Variants in MAP4K3 observed in about 807,000 individuals in gnomAD.
MAP4K3 encodes mitogen-activated protein kinase kinase kinase kinase 3.
MAP4K3 carries 94 observed loss-of-function variants against 143.5 expected under a neutral mutation model. The ratio of observed to expected loss-of-function variants is 0.65; its 90% CI spans 0.55 to 0.78. The LOEUF (loss-of-function observed/expected upper bound fraction) is 0.78. Ranked by LOEUF, MAP4K3 falls within the 30% of genes least tolerant of loss-of-function variation. The pLI is 0.00. For synonymous variants in MAP4K3, 416 were observed against 347.2 expected (o/e 1.20, Z -2.20); for missense variants, 1,077 against 1,068.1 (o/e 1.01, Z -0.12).
At chr2:39,269,066 T>A (rs1157164995) in intron 26 of MAP4K3, among the ~76,000 whole-genome samples, 2 of 152,012 alleles carry the variant, frequency 1.3e-5, no homozygotes, top group Non-Finnish European at 2.9e-5. Context: ...AACTTAAATG[T>A]GTAAATTTGC....
At chr2:39,373,840 T>C (rs1269175562) in intron 2 of MAP4K3, among the ~76,000 whole-genome samples, 4 of 152,088 alleles carry the variant, frequency 2.6e-5, no homozygotes, top group Admixed American at 6.6e-5. Context: ...AGATGGTTAA[T>C]TGGTACAAAA....
intron 3 of MAP4K3, among the ~76,000 whole-genome samples, chr2:39,354,789 G>C (rs1665559764): frequency 6.6e-6 from 1 of 152,162 alleles, no homozygotes; most frequent in African/African-American, 2.4e-5. Context: ...TCAAAAGCTA[G>C]AAAGATGACA....
At chr2:39,355,103 G>A (rs1157748477) in intron 3 of MAP4K3, among the ~76,000 whole-genome samples, 2 of 152,104 alleles carry the variant, frequency 1.3e-5, no homozygotes, top group African/African-American at 4.8e-5. Context: ...GGAGGCTCAC[G>A]CCTGTAATCC....
chr2:39,332,745 C>T (rs1480147107), intron 7 of MAP4K3, among the ~76,000 whole-genome samples: 4 of 151,954 alleles, frequency 2.6e-5, no homozygotes, highest in African/African-American at 9.7e-5. Flanking sequence ...CTGCTTTTCC[C>T]ATATTTAGAA....
At chr2:39,376,845 C>A (rs918750293) in intron 2 of MAP4K3, among the ~76,000 whole-genome samples, 16 of 152,162 alleles carry the variant, frequency 1.1e-4, no homozygotes, top group African/African-American at 3.4e-4. Flanking sequence ...CTTTAAATGC[C>A]AAATTTCTTT....
At chr2:39,343,331 T>C (rs1427921948) in intron 4 of MAP4K3, 57 bp downstream of exon 4, 3 of 1,119,028 alleles carry the variant, frequency 2.7e-6, no homozygotes, top group African/African-American at 3.1e-5. Flanking sequence ...ATATAGTAAA[T>C]AGCTGTATTT....
intron 17 of MAP4K3, 120 bp downstream of exon 17, chr2:39,293,110 C>G: frequency 1.3e-6 from 1 of 779,048 alleles, no homozygotes; most frequent in Non-Finnish European, 2.1e-6. Flanking sequence ...GAGCGAGACC[C>G]TATCTCTATT....
At chr2:39,349,277 A>T (rs1665382650) in intron 3 of MAP4K3, among the ~76,000 whole-genome samples, 1 of 152,230 alleles carries the variant, frequency 6.6e-6, no homozygotes. Flanking sequence ...TGGTTGATTT[A>T]AAAATTACTA....
At chr2:39,346,415 C>G (rs1488923428) in intron 3 of MAP4K3, among the ~76,000 whole-genome samples, 1 of 152,090 alleles carries the variant, frequency 6.6e-6, no homozygotes, top group Admixed American at 6.5e-5. Context: ...TTTGTTAAAT[C>G]TTATACTTAA....
chr2:39,262,966 G>A lies in MAP4K3; in HGVS notation c.2137-2189C>T, dbSNP rs374335791. The stretch of plus-strand genomic sequence containing the variant: ...CTAAAAATACAAAAATTAGCTGGGT[G>A]TCTGTAATCCCAGCTACTCGGGAGG... On this transcript the variant is annotated intron_variant, in intron 28 of 33. Coordinates refer to ENST00000263881, the MANE Select transcript of MAP4K3 (RefSeq NM_003618.4). Among the ~76,000 whole-genome samples, 12 of 151,902 alleles carry A rather than the reference G, an allele frequency of 7.9e-5. No individual in the cohort carries two copies. The East Asian group carries it at 2.3e-3, about 30-fold the overall frequency.
chr2:39,355,774 C>A (rs1665595292), intron 3 of MAP4K3, among the ~76,000 whole-genome samples: 1 of 151,996 alleles, frequency 6.6e-6, no homozygotes, highest in African/African-American at 2.4e-5. Context: ...ACTTTAGGAC[C>A]TGGAAAAATA....
chr2:39,259,810 T>C (rs1261662123), intron 29 of MAP4K3, among the ~76,000 whole-genome samples: 1 of 152,190 alleles, frequency 6.6e-6, no homozygotes, highest in Non-Finnish European at 1.5e-5. Flanking sequence ...ATTTAATTTG[T>C]AATATTAATT....
intron 6 of MAP4K3, 21 bp downstream of exon 6, chr2:39,336,899 T>A (rs556942683): frequency 9.7e-7 from 1 of 1,027,020 alleles, no homozygotes; most frequent in African/African-American, 1.7e-5. Flanking sequence ...AGGGTTATTA[T>A]GTTAAAAATA....
intron 2 of MAP4K3, among the ~76,000 whole-genome samples, chr2:39,371,570 T>C (rs551715402): frequency 9.9e-5 from 15 of 152,242 alleles, no homozygotes; most frequent in African/African-American, 3.6e-4. Context: ...ATGAACTAAA[T>C]TCTGCAATCA....
intron 16 of MAP4K3, among the ~76,000 whole-genome samples, chr2:39,299,304 T>C (rs1017235707): frequency 2.0e-5 from 3 of 152,168 alleles, no homozygotes; most frequent in Non-Finnish European, 4.4e-5. Flanking sequence ...CAGACACACA[T>C]TTTAACTGCT....
chr2:39,336,925 T>C lies in MAP4K3; in HGVS notation c.409A>G (p.Ile137Val). Residue 137 changes from isoleucine (I) to valine (V), a missense_variant, in exon 6 of 34, where the codon ATA (isoleucine) becomes GTA (valine). Transcript: ENST00000263881. ...LHSKGKMHRD[I>V]KGANILLTDN... The stretch of plus-strand genomic sequence containing the variant: ...GTTAAAAATATAATGTATACCTTTA[T>C]ATCTCTGTGCATTTTTCCTTTACTG... 1 of 1,276,036 alleles carries C rather than the reference T, an allele frequency of 7.8e-7. No individual in the cohort carries two copies. Among genetic ancestry groups the C allele is most frequent in the Non-Finnish European group, 1.1e-6 (1 of 907,702 alleles). 79.0% of individuals were successfully genotyped at this position (1,276,036 alleles called of 1,614,324 possible).
intron 1 of MAP4K3, among the ~76,000 whole-genome samples, chr2:39,394,633 T>C (rs898640847): frequency 6.6e-6 from 1 of 152,070 alleles, no homozygotes; most frequent in East Asian, 1.9e-4. Flanking sequence ...GTCAGCCAAG[T>C]ATCAAAACAG....
chr2:39,377,059 T>A (rs1196018361), intron 2 of MAP4K3, among the ~76,000 whole-genome samples: 1 of 152,146 alleles, frequency 6.6e-6, no homozygotes, highest in Non-Finnish European at 1.5e-5. Context: ...AATCAGCACA[T>A]CCTTAAATTT....
intron 12 of MAP4K3, among the ~76,000 whole-genome samples, chr2:39,324,454 T>C (rs999258975): frequency 6.6e-6 from 1 of 152,028 alleles, no homozygotes; most frequent in African/African-American, 2.4e-5. Flanking sequence ...AGTATAATTA[T>C]AAGATTAATT....
Sources: allele counts gnomAD v4.1 joint callset (sites outside exome capture counted in the v4.1 genomes callset), GRCh38; gene constraint gnomAD v4.1.1; transcripts MANE v1.5; gene names NCBI Gene and HGNC (gene_info 2026-07-23, HGNC 2026-07-21).